The following NFE2L2 variants were observed in gnomAD, a reference collection of about 807,000 sequenced individuals.
NFE2L2 encodes nuclear factor erythroid 2-related factor 2.
A neutral mutation model predicts 49.6 loss-of-function variants in NFE2L2; 20 were observed. The ratio of observed to expected loss-of-function variants is 0.40; its 90% CI spans 0.28 to 0.59. The LOEUF (loss-of-function observed/expected upper bound fraction) is 0.59, where lower values mean the gene tolerates loss of function less well. NFE2L2 is among the 20% of genes least tolerant of loss of function. The probability of loss-of-function intolerance (pLI) is 0.40; values close to 1 mark genes in which losing one functional copy is unlikely to be tolerated. For missense variants in NFE2L2, 578 were observed against 714.2 expected (o/e 0.81, Z 2.17); for synonymous variants, 244 against 256.5 (o/e 0.95, Z 0.47).
rs370223047 is a variant in NFE2L2, at chr2:177,262,466, G to GT, written c.45+2065dup. ...CCTACTACCACTTCACACCTGGAGA[G>GT]TTTTTTTTGACAAAAGGTCAAGAAA... On this transcript the variant is annotated intron_variant, in intron 1 of 4. Transcript: ENST00000397062. Among the ~76,000 whole-genome samples, 654 of 152,080 alleles carry GT rather than the reference G, an allele frequency of 4.3e-3. 4 individuals carry two copies. Among genetic ancestry groups the GT allele is most frequent in the African/African-American group, 0.015 (614 of 41,482 alleles).
At chr2:177,263,299 G>A in intron 1 of NFE2L2, 2 of 924,466 alleles carry the variant, frequency 2.2e-6, no homozygotes, top group Middle Eastern at 1.1e-3. Flanking sequence ...CAACTGAAAA[G>A]GAAACATATA....
intron 1 of NFE2L2, chr2:177,264,313 C>T: frequency 2.0e-6 from 1 of 496,664 alleles, no homozygotes; most frequent in Non-Finnish European, 3.5e-6. Flanking sequence ...CACCCGTTCG[C>T]CCTCGGGCTC....
At chr2:177,239,411 T>C (rs1174844930) in intron 1 of NFE2L2, among the ~76,000 whole-genome samples, 1 of 152,252 alleles carries the variant, frequency 6.6e-6, no homozygotes, top group Non-Finnish European at 1.5e-5. Flanking sequence ...GCATGGTGGC[T>C]CACGCCTATA....
intron 1 of NFE2L2, among the ~76,000 whole-genome samples, chr2:177,247,083 C>T (rs778272364): frequency 1.2e-4 from 19 of 152,082 alleles, no homozygotes; most frequent in South Asian, 4.1e-4. Flanking sequence ...GAGGGTATCC[C>T]TAAGATAAAT....
chr2:177,263,873 G>C (rs1301219270), intron 1 of NFE2L2: 4 of 985,386 alleles, frequency 4.1e-6, no homozygotes, highest in Non-Finnish European at 4.8e-6. Flanking sequence ...CTCCTCCCTC[G>C]TCCCGGGGCT....
chr2:177,256,193 C>T (rs1690517185), intron 1 of NFE2L2, among the ~76,000 whole-genome samples: 2 of 151,990 alleles, frequency 1.3e-5, no homozygotes, highest in Non-Finnish European at 2.9e-5. Flanking sequence ...TATATAATTC[C>T]ATCATGCATC....
At chr2:177,263,564 C>G (rs1485587982) in intron 1 of NFE2L2, 1 of 985,164 alleles carries the variant, frequency 1.0e-6, no homozygotes, top group African/African-American at 1.7e-5. Context: ...GGTTTGCACG[C>G]TATAAAGCAG....
intron 1 of NFE2L2, among the ~76,000 whole-genome samples, chr2:177,242,549 A>G (rs116817143): frequency 7.9e-5 from 12 of 152,294 alleles, no homozygotes; most frequent in Non-Finnish European, 1.5e-4. Context: ...GGTTTCTTCA[A>G]TCTGGCAGGT....
chr2:177,232,344 G>T (rs2105454969), intron 4 of NFE2L2, 48 bp downstream of exon 4: 1 of 1,503,988 alleles, frequency 6.6e-7, no homozygotes. Context: ...ATGACTAAAG[G>T]CACTGAATAT....
At chr2:177,234,374 G>A (rs2105460244) in intron 1 of NFE2L2, 103 bp from the exon 2 acceptor site, 6 of 1,301,076 alleles carry the variant, frequency 4.6e-6, no homozygotes, top group Non-Finnish European at 6.2e-6. Context: ...GTGGGAAGTG[G>A]GGAGATTACA....
rs200175942 is a variant in NFE2L2 at position 177,230,839 on chromosome 2, A to G, written c.1764T>C (p.Asp588=). 7.5e-6 allele frequency: 12 copies of G among 1,597,920 alleles called. No individual in the cohort carries two copies. The East Asian group carries it at 2.5e-4, about 33-fold the overall frequency. ...TTTTGGGAACAAGGAAAACATTGCC[A>G]TCTCTTGTTTGCTGCAGGGAGTATT... The part of the protein sequence containing the change: ...PSEYSLQQTR[D]GNVFLVPKSK... The change falls in exon 5 of 5, where the codon GAT becomes GAC. Residue 588 remains aspartate, a synonymous_variant. Coordinates refer to ENST00000397062, the MANE Select transcript of NFE2L2 (RefSeq NM_006164.5).
At position 177,231,549 on chromosome 2, in the gene NFE2L2, G is replaced by A. The variant is rs376114843; in HGVS notation, c.1054C>T (p.Pro352Ser). 6.2e-7 allele frequency: 1 copy of A among 1,614,198 alleles called. No homozygotes were observed. The highest frequency in any genetic ancestry group is 8.5e-7 in the Non-Finnish European group (1 of 1,180,040). The change falls in exon 5 of 5, where the codon CCC becomes TCC. Residue 352 changes from proline to serine, a missense_variant. Pro to Ser is a moderately conservative substitution (Grantham distance 74). Around this residue, in one of 3 missense-constraint regions of NFE2L2, gnomAD observed 368 missense variants for 384.6 expected, o/e 0.96. Transcript: ENST00000397062. Reference protein sequence around the residue: ...SDSGISLNTSPSVASPEHSVE... With the variant: ...SDSGISLNTSSSVASPEHSVE... ...GAGTGTTCTGGTGATGCCACACTGG[G>A]ACTTGTGTTTAGTGAAATGCCGGAG...
chr2:177,264,433 G>A (rs1230535242), intron 1 of NFE2L2, 99 bp downstream of exon 1: 1 of 1,286,854 alleles, frequency 7.8e-7, no homozygotes, highest in African/African-American at 1.6e-5. Flanking sequence ...GCCAGACGTG[G>A]GGGAAGCCGG....
chr2:177,251,644 A>G (rs929064230), intron 1 of NFE2L2, among the ~76,000 whole-genome samples: 1 of 152,164 alleles, frequency 6.6e-6, no homozygotes, highest in African/African-American at 2.4e-5. Flanking sequence ...CACAAGGACA[A>G]GAAGACCAAG....
Position 177,241,043 on chromosome 2 carries a change from G to C in NFE2L2, c.46-6772C>G, listed in dbSNP as rs142538623. Reference sequence around the variant, plus strand: ...TTGCCCTGAGAATGACAGGAAGGTGGTGGGAGATTTCCTTCTAAAAATAAA... The same window carrying C: ...TTGCCCTGAGAATGACAGGAAGGTGCTGGGAGATTTCCTTCTAAAAATAAA... On this transcript the variant is annotated intron_variant, in intron 1 of 4. Coordinates refer to ENST00000397062, the MANE Select transcript of NFE2L2 (RefSeq NM_006164.5). 3.0e-3 allele frequency among the ~76,000 whole-genome samples: 451 copies of C among 152,210 alleles called. 8 individuals are homozygous for C. In the East Asian group the frequency reaches 0.045, roughly 15 times the overall value.
intron 1 of NFE2L2, among the ~76,000 whole-genome samples, chr2:177,238,767 G>T (rs183448760): frequency 1.3e-5 from 2 of 152,304 alleles, no homozygotes; most frequent in Non-Finnish European, 2.9e-5. Context: ...CTTCCTCAGG[G>T]CAGGTCTGAA....
intron 1 of NFE2L2, among the ~76,000 whole-genome samples, chr2:177,235,802 G>A (rs1258211749): frequency 2.0e-5 from 3 of 152,186 alleles, no homozygotes; most frequent in Non-Finnish European, 4.4e-5. Flanking sequence ...ACTCCAGCTT[G>A]GGTGACAAGA....
Position 177,231,255 on chromosome 2 carries a change from A to C in NFE2L2, c.1348T>G (p.Leu450Val). The C allele has an allele frequency of 6.2e-7, 1 of 1,614,206 alleles. No homozygotes were observed. The highest frequency in any genetic ancestry group is 8.5e-7 in the Non-Finnish European group (1 of 1,180,042). The change falls in exon 5 of 5, where the codon TTG becomes GTG. Residue 450 changes from leucine (L) to valine (V), a missense_variant. By Grantham distance (32) the Leu-to-Val change is conservative. Transcript: ENST00000397062. ...PFTKDKHSSR[L>V]EAHLTRDELR... ...TCATCTCTTGTGAGATGAGCCTCCAAGCGGCTTGAATGTTTGTCTTTTGTG... is the reference window on the plus strand; with the variant it reads ...TCATCTCTTGTGAGATGAGCCTCCACGCGGCTTGAATGTTTGTCTTTTGTG...
At chr2:177,243,007 G>A (rs1689994549) in intron 1 of NFE2L2, among the ~76,000 whole-genome samples, 1 of 151,888 alleles carries the variant, frequency 6.6e-6, no homozygotes. Context: ...GAATGGCTTG[G>A]TTTGACAAGC....
Sources: gnomAD v4.1 joint callset for allele counts (sites outside exome capture counted in the v4.1 genomes callset) on GRCh38, gnomAD v4.1.1 for gene constraint, gnomAD v4.1.1 regional missense constraint, MANE v1.5 for transcripts, NCBI Gene and HGNC (gene_info 2026-07-23, HGNC 2026-07-21) for gene names.